PPP4R3B: variants seen among roughly 807,000 people sequenced by gnomAD.
PPP4R3B encodes the protein protein phosphatase 4 regulatory subunit 3B.
Under a neutral mutation model 95.4 loss-of-function variants are expected in PPP4R3B, and 52 were observed. The ratio of observed to expected loss-of-function variants is 0.54; its 90% confidence interval spans 0.44 to 0.69. The LOEUF is 0.69. Ranked by LOEUF, PPP4R3B falls within the 30% of genes least tolerant of loss-of-function variation. The pLI, the probability that PPP4R3B is intolerant of heterozygous loss-of-function variation, is 0.00. For synonymous variants in PPP4R3B, 407 were observed against 343.9 expected (o/e 1.18, Z -2.03); for missense variants, 1,003 against 1,005.9 (o/e 1.00, Z 0.04).
chr2:55,556,519 G>C (rs1685863024), intron 16 of PPP4R3B, among the ~76,000 whole-genome samples: 1 of 151,852 alleles, frequency 6.6e-6, no homozygotes, highest in African/African-American at 2.4e-5. Context: ...ACAGCTAAAA[G>C]AGTTCAAAGG....
chr2:55,596,060 C>T (rs988873856), intron 4 of PPP4R3B, among the ~76,000 whole-genome samples: 1 of 152,104 alleles, frequency 6.6e-6, no homozygotes, highest in Admixed American at 6.6e-5. Flanking sequence ...CTCAAGGAGA[C>T]AGAATAAAAT....
chr2:55,590,462 A>T (rs1364562614), intron 4 of PPP4R3B, among the ~76,000 whole-genome samples: 1 of 152,110 alleles, frequency 6.6e-6, no homozygotes, highest in African/African-American at 2.4e-5. Context: ...ATATTTTCTA[A>T]TTGGTGATAG....
Position 55,573,791 on chromosome 2 carries a change from T to A in PPP4R3B, c.1607-14A>T. Reference sequence around the variant, plus strand: ...TTTGATAATTATCTACAAAAGAAAGTAATCTCATGAAAATAAATATTGAAT... The same window carrying A: ...TTTGATAATTATCTACAAAAGAAAGAAATCTCATGAAAATAAATATTGAAT... On this transcript the variant is annotated splice_polypyrimidine_tract_variant and intron_variant, in intron 11 of 16. Coordinates refer to ENST00000616407, the MANE Select transcript of PPP4R3B (RefSeq NM_001122964.3). 1 of 1,463,724 alleles carries A rather than the reference T, an allele frequency of 6.8e-7. No individual in the cohort carries two copies. The highest frequency in any genetic ancestry group is 2.6e-5 in the East Asian group (1 of 38,532). The allele number at this position is 1,463,724 out of a possible 1,614,324, so 90.7% of individuals were successfully genotyped here.
chr2:55,595,050 A>G (rs1432350377), intron 4 of PPP4R3B, among the ~76,000 whole-genome samples: 1 of 147,350 alleles, frequency 6.8e-6, no homozygotes, highest in Non-Finnish European at 1.5e-5. Flanking sequence ...TTTTTCAGAC[A>G]GTCTCGCTCT....
At chr2:55,598,370 C>T (rs895457725) in intron 4 of PPP4R3B, 46 bp downstream of exon 4, 4 of 1,579,032 alleles carry the variant, frequency 2.5e-6, no homozygotes, top group Non-Finnish European at 1.7e-6. Flanking sequence ...ATTAAGGGAA[C>T]TAAATATCTG....
chr2:55,553,422 A>G (rs554086316), intron 16 of PPP4R3B, among the ~76,000 whole-genome samples: 1 of 152,270 alleles, frequency 6.6e-6, no homozygotes, highest in African/African-American at 2.4e-5. Context: ...ACTACTCTCT[A>G]AGTCCATACC....
chr2:55,604,220 T>G (rs1693071055), intron 2 of PPP4R3B, 144 bp from the exon 3 acceptor site: 1 of 481,176 alleles, frequency 2.1e-6, no homozygotes, highest in Non-Finnish European at 3.5e-6. Flanking sequence ...ATTGGCATTA[T>G]TAGTAATATA....
chr2:55,610,629 C>T (rs1268637415), intron 2 of PPP4R3B, among the ~76,000 whole-genome samples: 1 of 152,130 alleles, frequency 6.6e-6, no homozygotes, highest in Non-Finnish European at 1.5e-5. Flanking sequence ...TGGCACATAC[C>T]TGCTGTATAA....
chr2:55,570,620 A>G (rs1687881907), intron 12 of PPP4R3B, among the ~76,000 whole-genome samples: 1 of 152,210 alleles, frequency 6.6e-6, no homozygotes, highest in Non-Finnish European at 1.5e-5. Context: ...CACTAGTCAA[A>G]TCTTCAAAAC....
chr2:55,616,416 C>T (rs1260419470), intron 1 of PPP4R3B: 3 of 152,270 alleles, frequency 2.0e-5, no homozygotes, highest in South Asian at 2.1e-4. Context: ...CAAATCAAGT[C>T]CAGATTATAC....
intron 3 of PPP4R3B, among the ~76,000 whole-genome samples, chr2:55,601,705 G>A (rs551461562): frequency 6.6e-6 from 1 of 152,172 alleles, no homozygotes; most frequent in African/African-American, 2.4e-5. Context: ...ATGACTACGT[G>A]GGATTCTAGT....
intron 15 of PPP4R3B, among the ~76,000 whole-genome samples, chr2:55,559,182 G>A (rs7575973): frequency 0.91 from 138,133 of 151,866 alleles, 63,504 homozygotes; most frequent in African/African-American, 0.97. Context: ...CCCCGTCTCT[G>A]CTAAAAATAC....
rs147484679 is a variant in PPP4R3B, at chr2:55,558,793, C to T, written c.2436G>A (p.Thr812=). ...CACCTACCTTGGTGGCTGTTACTGACGTAGGCAAGTTTGTGGTTTTGGAAG... is the reference window on the plus strand; with the variant it reads ...CACCTACCTTGGTGGCTGTTACTGATGTAGGCAAGTTTGTGGTTTTGGAAG... ...GSSSKTTNLP[T]SVTATKGSLV... Residue 812 remains threonine (T), a synonymous_variant, in exon 16 of 17, where the codon ACG becomes ACA. Coordinates refer to ENST00000616407, the MANE Select transcript of PPP4R3B (RefSeq NM_001122964.3). The T allele has an allele frequency of 1.2e-4, 195 of 1,609,628 alleles. No homozygotes were observed. In the African/African-American group the frequency reaches 2.2e-3, roughly 18 times the overall value.
intron 7 of PPP4R3B, among the ~76,000 whole-genome samples, chr2:55,584,450 A>G (rs904986595): frequency 1.3e-5 from 2 of 152,160 alleles, no homozygotes; most frequent in Non-Finnish European, 2.9e-5. Context: ...CCATCACCCA[A>G]GCAGTATACA....
intron 2 of PPP4R3B, among the ~76,000 whole-genome samples, chr2:55,612,356 A>G (rs1694282035): frequency 6.6e-6 from 1 of 152,266 alleles, no homozygotes; most frequent in Non-Finnish European, 1.5e-5. Context: ...TTTACAAAGG[A>G]TAATTCTAAC....
intron 15 of PPP4R3B, among the ~76,000 whole-genome samples, chr2:55,562,137 C>G (rs1407742332): frequency 3.3e-5 from 5 of 152,040 alleles, no homozygotes; most frequent in African/African-American, 1.2e-4. Context: ...TGTGTGGCAC[C>G]TCGGCCGGGC....
At chr2:55,587,021 T>TC (rs775613476) in intron 5 of PPP4R3B, among the ~76,000 whole-genome samples, 21 of 152,198 alleles carry the variant, frequency 1.4e-4, no homozygotes, top group South Asian at 2.1e-4. Flanking sequence ...TCCTTTTTTT[T>TC]CCAGTGAATG....
At chr2:55,592,467 A>C (rs1691167299) in intron 4 of PPP4R3B, among the ~76,000 whole-genome samples, 1 of 152,204 alleles carries the variant, frequency 6.6e-6, no homozygotes, top group Non-Finnish European at 1.5e-5. Context: ...TAAATCCTGT[A>C]CTTGAATCCA....
intron 6 of PPP4R3B, 51 bp from the exon 7 acceptor site, chr2:55,585,218 T>C: frequency 7.4e-7 from 1 of 1,357,096 alleles, no homozygotes; most frequent in Non-Finnish European, 1.0e-6. Flanking sequence ...AAAGTTATTC[T>C]CACATTTCTT....
Sources: allele counts gnomAD v4.1 joint callset (sites outside exome capture counted in the v4.1 genomes callset), GRCh38; gene constraint gnomAD v4.1.1; transcripts MANE v1.5; gene names NCBI Gene and HGNC (gene_info 2026-07-23, HGNC 2026-07-21).